Variants in LINC00305 observed in about 807,000 individuals in gnomAD.
The protein encoded by LINC00305 is long independently transcribed non-coding RNA 305.
chr18:64,098,724 AAGTCCCCC>A, intron 1 of LINC00305: 2 of 359,378 alleles, frequency 5.6e-6, no homozygotes, highest in Admixed American at 7.2e-5. Context: ...GGGAGTGTAA[AAGTCCCCC>A]ATTCTTCTGT....
At chr18:64,100,789 G>C (rs2144239809) in intron 1 of LINC00305, among the ~76,000 whole-genome samples, 1 of 152,298 alleles carries the variant, frequency 6.6e-6, no homozygotes, top group East Asian at 1.9e-4. Flanking sequence ...ACATGAGGCA[G>C]TTGCCTGCTA....
intron 1 of LINC00305, among the ~76,000 whole-genome samples, chr18:64,142,289 A>G (rs2051467462): frequency 2.0e-5 from 3 of 152,214 alleles, no homozygotes; most frequent in Admixed American, 2.0e-4. Context: ...TTGTTGAAAA[A>G]GAATGTAGAT....
chr18:64,081,217 T>C (rs747126210), intron 3 of LINC00305, among the ~76,000 whole-genome samples: 1 of 152,250 alleles, frequency 6.6e-6, no homozygotes, highest in Non-Finnish European at 1.5e-5. Flanking sequence ...AAGGTAGATG[T>C]ACTCTGCAAA....
intron 3 of LINC00305, among the ~76,000 whole-genome samples, chr18:64,088,860 CT>C (rs2051214149): frequency 6.6e-6 from 1 of 152,032 alleles, no homozygotes; most frequent in South Asian, 2.1e-4. Context: ...CTGCAGAAGT[CT>C]TGAAAAAGCT....
chr18:64,092,547 A>G (rs2850719), intron 3 of LINC00305, among the ~76,000 whole-genome samples: 52,381 of 152,118 alleles, frequency 0.34, 11,093 homozygotes, highest in African/African-American at 0.6. Flanking sequence ...GAGTGACAGA[A>G]TGAGACTCTG....
Position 64,089,740 on chromosome 18 carries a change from C to T in LINC00305, n.540+8094G>A, listed in dbSNP as rs145751828. On this transcript the variant is annotated intron_variant and non_coding_transcript_variant, in intron 3 of 3. Coordinates refer to ENST00000666468, the Ensembl canonical transcript of LINC00305. ...TGTGGCTGGGGAGGCCTCACAATTA[C>T]GGTGGAAGGCAAGGAGGAGCAAGTC... Among the ~76,000 whole-genome samples the T allele has an allele frequency of 5.3e-3, 810 of 152,224 alleles. 4 individuals are homozygous for T. Among genetic ancestry groups the T allele is most frequent in the Admixed American group, 9.3e-3 (142 of 15,288 alleles).
At chr18:64,098,014 G>A (rs75314025) in intron 2 of LINC00305, 1 of 457,728 alleles carries the variant, frequency 2.2e-6, no homozygotes. Flanking sequence ...AGGGACAGGA[G>A]AGTGGAGAGC....
chr18:64,133,032 G>T (rs2051416961), intron 1 of LINC00305, among the ~76,000 whole-genome samples: 1 of 152,186 alleles, frequency 6.6e-6, no homozygotes, highest in African/African-American at 2.4e-5. Context: ...CGATATGGCA[G>T]AAGCTCAGCC....
Position 64,082,766 on chromosome 18 carries a change from T to C in LINC00305, n.541-2364A>G, listed in dbSNP as rs140663043. ...GTTTCTCAACACAGTTTTAGAACTT[T>C]CTGTTCTCTTTCTAAATGCTGATTA... is the stretch of plus-strand genomic sequence containing the variant. On this transcript the variant is annotated intron_variant and non_coding_transcript_variant, in intron 3 of 3. Coordinates refer to ENST00000666468, the Ensembl canonical transcript of LINC00305. Among the ~76,000 whole-genome samples the C allele has an allele frequency of 6.6e-5, 10 of 152,358 alleles. No homozygotes were observed. The East Asian group carries it at 1.9e-3, about 29-fold the overall frequency.
chr18:64,113,548 A>G (rs1303316999), intron 1 of LINC00305, among the ~76,000 whole-genome samples: 2 of 152,230 alleles, frequency 1.3e-5, no homozygotes, highest in Non-Finnish European at 2.9e-5. Context: ...CAAGACCCAC[A>G]GGCTTAGACC....
At position 64,090,032 on chromosome 18, in the gene LINC00305, G is replaced by A. The variant is rs138311912; in HGVS notation, n.540+7802C>T. 3.4e-3 allele frequency among the ~76,000 whole-genome samples: 513 copies of A among 152,202 alleles called. 4 individuals are homozygous for A. Among genetic ancestry groups the A allele is most frequent in the African/African-American group, 0.012 (497 of 41,530 alleles). Reference sequence around the variant, plus strand: ...TAGGCAGAGGGGAAAATACTTAAGGGGCAAATAGTGGGCTCAAAGACATGG... The same window carrying A: ...TAGGCAGAGGGGAAAATACTTAAGGAGCAAATAGTGGGCTCAAAGACATGG... On this transcript the variant is annotated intron_variant and non_coding_transcript_variant, in intron 3 of 3. Transcript: ENST00000666468.
chr18:64,127,218 C>A (rs561390020), intron 1 of LINC00305, among the ~76,000 whole-genome samples: 1 of 152,108 alleles, frequency 6.6e-6, no homozygotes, highest in African/African-American at 2.4e-5. Flanking sequence ...TGCTATATTA[C>A]AGGTATTATA....
intron 1 of LINC00305, among the ~76,000 whole-genome samples, chr18:64,106,599 A>G (rs961816379): frequency 1.3e-5 from 2 of 152,098 alleles, no homozygotes; most frequent in African/African-American, 4.8e-5. Context: ...CAATATATAA[A>G]TAACACTAAT....
intron 1 of LINC00305, among the ~76,000 whole-genome samples, chr18:64,123,302 T>C (rs975027098): frequency 1.3e-5 from 2 of 152,138 alleles, no homozygotes; most frequent in Admixed American, 6.6e-5. Context: ...ATCTGGATTG[T>C]AGTCATAGCC....
chr18:64,148,527 G>A (rs1195054009), intron 1 of LINC00305, among the ~76,000 whole-genome samples: 1 of 152,076 alleles, frequency 6.6e-6, no homozygotes, highest in Non-Finnish European at 1.5e-5. Flanking sequence ...AGTGGAACAA[G>A]GTTCCCTTTC....
At chr18:64,138,552 A>G (rs1191626485) in intron 1 of LINC00305, among the ~76,000 whole-genome samples, 1 of 152,198 alleles carries the variant, frequency 6.6e-6, no homozygotes, top group Non-Finnish European at 1.5e-5. Flanking sequence ...ACAGTCCATA[A>G]CAATCTGACT....
At chr18:64,088,333 A>G (rs761871653) in intron 3 of LINC00305, among the ~76,000 whole-genome samples, 7 of 152,154 alleles carry the variant, frequency 4.6e-5, no homozygotes, top group Admixed American at 2.6e-4. Flanking sequence ...TTCTTCTCCC[A>G]CCATCCTGAA....
At chr18:64,127,031 A>G (rs1176784619) in intron 1 of LINC00305, among the ~76,000 whole-genome samples, 2 of 152,088 alleles carry the variant, frequency 1.3e-5, no homozygotes, top group Non-Finnish European at 2.9e-5. Flanking sequence ...TTTAAATCTT[A>G]ACTACATATA....
intron 1 of LINC00305, among the ~76,000 whole-genome samples, chr18:64,143,567 TACAC>T (rs2051476669): frequency 3.5e-4 from 1 of 2,854 alleles, no homozygotes; most frequent in African/African-American, 6.6e-4. Flanking sequence ...TGTACATATA[TACAC>T]ATATGTATAT....
Sources: allele counts gnomAD v4.1 joint callset (sites outside exome capture counted in the v4.1 genomes callset), GRCh38; gene constraint gnomAD v4.1.1; transcripts MANE v1.5; gene names NCBI Gene and HGNC (gene_info 2026-07-23, HGNC 2026-07-21).